The following GPCPD1 variants were observed in gnomAD, a reference collection of about 807,000 sequenced individuals.
GPCPD1 encodes glycerophosphocholine phosphodiesterase 1, also known as glycerophosphocholine phosphodiesterase GPCPD1.
GPCPD1 carries 29 observed loss-of-function variants against 89.2 expected under a neutral mutation model. The observed-to-expected ratio is 0.33, with a 90% CI of 0.24 to 0.44. The LOEUF is 0.44. Among genes scored for constraint, GPCPD1 ranks in the 20% least tolerant of loss-of-function variants. The pLI is 1.00. For missense variants in GPCPD1, 594 were observed against 808.9 expected (o/e 0.73, Z 3.22); for synonymous variants, 258 against 266.3 (o/e 0.97, Z 0.30).
intron 19 of GPCPD1, among the ~76,000 whole-genome samples, chr20:5,556,480 A>G (rs1985773998): frequency 6.6e-6 from 1 of 152,216 alleles, no homozygotes. Flanking sequence ...CTGGGATTAC[A>G]GGCGTGAGCC....
intron 2 of GPCPD1, 139 bp from the exon 3 acceptor site, chr20:5,598,960 G>C (rs2093059565): frequency 3.1e-6 from 2 of 640,464 alleles, no homozygotes; most frequent in Non-Finnish European, 5.6e-6. Context: ...TATAGGTTTG[G>C]GCCCAGGTAC....
intron 7 of GPCPD1, among the ~76,000 whole-genome samples, chr20:5,579,192 A>C (rs1326521768): frequency 6.6e-6 from 1 of 152,102 alleles, no homozygotes; most frequent in Non-Finnish European, 1.5e-5. Flanking sequence ...CTCAAAAGAA[A>C]AAATATATAT....
intron 10 of GPCPD1, chr20:5,574,202 A>C: frequency 1.9e-6 from 1 of 527,410 alleles, no homozygotes; most frequent in Non-Finnish European, 3.4e-6. Context: ...CCAACACAAC[A>C]TGCACTTGCC....
intron 8 of GPCPD1, among the ~76,000 whole-genome samples, chr20:5,577,343 C>T (rs1174152356): frequency 6.6e-6 from 1 of 151,180 alleles, no homozygotes; most frequent in Non-Finnish European, 1.5e-5. Context: ...TTTAAATTAG[C>T]TGGGTGTGGT....
chr20:5,549,539 C>T (rs1032716899), intron 19 of GPCPD1: 3 of 981,244 alleles, frequency 3.1e-6, no homozygotes, highest in East Asian at 3.1e-5. Context: ...GTCAAGCAAT[C>T]GAGATTTTGG....
chr20:5,590,876 A>G (rs1183562798), intron 4 of GPCPD1, among the ~76,000 whole-genome samples: 2 of 152,162 alleles, frequency 1.3e-5, no homozygotes, highest in Non-Finnish European at 2.9e-5. Flanking sequence ...AAAGTTAGAA[A>G]CATAGATATG....
In GPCPD1 at chr20:5,547,073, C is replaced by T. The variant is rs1262703338; in HGVS notation, c.*588G>A. On this transcript the variant is annotated 3_prime_UTR_variant, in exon 20 of 20. Coordinates refer to ENST00000379019, the MANE Select transcript of GPCPD1 (RefSeq NM_019593.5). ...TTATGAAACAAGTTTCGAGGTTCAC[C>T]TTCAGGCTGGTTTGGTTAAGTGGAA... The T allele has an allele frequency of 6.6e-6, 1 of 152,554 alleles. No homozygotes were observed. The highest frequency in any genetic ancestry group is 6.5e-5 in the Admixed American group (1 of 15,276). The allele number at this position is 152,554 out of a possible 1,614,324, so 9.5% of individuals were successfully genotyped here. A position where few individuals can be genotyped will look rare whatever the true frequency, so the allele number is the denominator to read the frequency against.
At chr20:5,572,410 C>A in intron 11 of GPCPD1, among the ~76,000 whole-genome samples, 1 of 151,888 alleles carries the variant, frequency 6.6e-6, no homozygotes. Context: ...TTTTATATAC[C>A]ACTAAGAGGG....
chr20:5,603,156 G>A (rs528237755), intron 2 of GPCPD1, among the ~76,000 whole-genome samples: 34 of 152,016 alleles, frequency 2.2e-4, no homozygotes, highest in African/African-American at 8.0e-4. Context: ...AGCCAGGCAC[G>A]GTGATGGACA....
At position 5,570,426 on chromosome 20, in the gene GPCPD1, C is replaced by CCAA. The variant is rs59192426; in HGVS notation, c.1057-188_1057-187insTTG. ...CAAAAGCACAGCTACTTTTTCCTGG[C>CCAA]AAAAAAAAAAAAAAAAAAAAACGGA... On this transcript the variant is annotated intron_variant, in intron 11 of 19. Coordinates refer to ENST00000379019, the MANE Select transcript of GPCPD1 (RefSeq NM_019593.5). 1.3e-3 allele frequency among the ~76,000 whole-genome samples: 110 copies of CCAA among 85,956 alleles called. 3 individuals are homozygous for CCAA. The highest frequency in any genetic ancestry group is 3.8e-3 in the African/African-American group (86 of 22,762). 56.4% of individuals were successfully genotyped at this position (85,956 alleles called of 152,430 possible).
At position 5,604,434 on chromosome 20, in the gene GPCPD1, T is replaced by C. The variant is rs374435090; in HGVS notation, c.-22A>G. ...TCATTCTGATGGATTTATTTTATGATGTCGTGCTAGGAAAAAAAAGAAAAG... is the reference window on the plus strand; with the variant it reads ...TCATTCTGATGGATTTATTTTATGACGTCGTGCTAGGAAAAAAAAGAAAAG... On this transcript the variant is annotated 5_prime_UTR_variant, in exon 2 of 20. Coordinates refer to ENST00000379019, the MANE Select transcript of GPCPD1 (RefSeq NM_019593.5). 4 of 1,516,676 alleles carry C rather than the reference T, an allele frequency of 2.6e-6. No homozygotes were observed. Among genetic ancestry groups the C allele is most frequent in the Non-Finnish European group, 3.6e-6 (4 of 1,102,262 alleles). 94.0% of individuals were successfully genotyped at this position (1,516,676 alleles called of 1,614,324 possible). A position where few individuals can be genotyped will look rare whatever the true frequency, so the allele number is the denominator to read the frequency against.
At chr20:5,591,380 A>C (rs1207515232) in intron 4 of GPCPD1, among the ~76,000 whole-genome samples, 1 of 152,238 alleles carries the variant, frequency 6.6e-6, no homozygotes, top group East Asian at 1.9e-4. Context: ...GGATCTAAAA[A>C]TCTGTAGTTC....
chr20:5,576,832 A>T (rs1978290492), intron 8 of GPCPD1, among the ~76,000 whole-genome samples: 1 of 152,170 alleles, frequency 6.6e-6, no homozygotes, highest in Non-Finnish European at 1.5e-5. Flanking sequence ...ATTACAAAAA[A>T]TGTTAAACAA....
intron 14 of GPCPD1, among the ~76,000 whole-genome samples, chr20:5,565,443 G>A (rs1313358802): frequency 2.0e-5 from 3 of 152,092 alleles, no homozygotes; most frequent in African/African-American, 4.8e-5. Context: ...TGCTCAGGCT[G>A]ATCTTGAACT....
chr20:5,573,805 G>T, intron 11 of GPCPD1, 110 bp downstream of exon 11: 1 of 769,736 alleles, frequency 1.3e-6, no homozygotes, highest in South Asian at 1.4e-5. Flanking sequence ...CCATGGATCT[G>T]AATATAAATG....
intron 11 of GPCPD1, among the ~76,000 whole-genome samples, chr20:5,572,149 G>A (rs190240380): frequency 6.6e-6 from 1 of 152,078 alleles, no homozygotes; most frequent in Non-Finnish European, 1.5e-5. Context: ...AGCCCAGGAG[G>A]TTGAGGCTAT....
chr20:5,566,502 A>G (rs1166640474), intron 14 of GPCPD1, among the ~76,000 whole-genome samples: 1 of 152,224 alleles, frequency 6.6e-6, no homozygotes, highest in African/African-American at 2.4e-5. Flanking sequence ...GATAAGTATT[A>G]ACACTTTGAT....
chr20:5,605,474 A>G (rs1384744054), intron 1 of GPCPD1, among the ~76,000 whole-genome samples: 3 of 151,728 alleles, frequency 2.0e-5, no homozygotes, highest in Admixed American at 1.3e-4. Flanking sequence ...GTAACTTATC[A>G]TTAAAAGAAA....
chr20:5,564,971 G>T (rs375694687), intron 15 of GPCPD1, 46 bp downstream of exon 15: 1 of 890,624 alleles, frequency 1.1e-6, no homozygotes, highest in African/African-American at 1.7e-5. Context: ...ATTCATACAT[G>T]ACAAAGTTAA....
Sources: allele counts gnomAD v4.1 joint callset (sites outside exome capture counted in the v4.1 genomes callset), GRCh38; gene constraint gnomAD v4.1.1; transcripts MANE v1.5; gene names NCBI Gene and HGNC (gene_info 2026-07-23, HGNC 2026-07-21).